The following TFDP2 variants were observed in gnomAD, a reference collection of about 807,000 sequenced individuals.
TFDP2 encodes transcription factor Dp-2 (E2F dimerization partner 2).
Under a neutral mutation model 59.3 loss-of-function variants are expected in TFDP2, and 17 were observed. The ratio of observed to expected loss-of-function variants is 0.29; its 90% CI spans 0.20 to 0.43. TFDP2 has a LOEUF of 0.43. Ranked by LOEUF, TFDP2 falls within the 20% of genes least tolerant of loss-of-function variation. TFDP2 has a pLI of 1.00. For missense variants in TFDP2, 391 were observed against 528.8 expected (o/e 0.74, Z 2.56); for synonymous variants, 180 against 194.7 (o/e 0.92, Z 0.63).
chr3:142,136,483 G>T (rs1406328927), intron 1 of TFDP2, among the ~76,000 whole-genome samples: 1 of 152,052 alleles, frequency 6.6e-6, no homozygotes, highest in Non-Finnish European at 1.5e-5. Flanking sequence ...TTTTAGTCAT[G>T]AAGTCCTTGC....
At chr3:141,999,053 C>G (rs1943537349) in intron 4 of TFDP2, among the ~76,000 whole-genome samples, 1 of 152,148 alleles carries the variant, frequency 6.6e-6, no homozygotes, top group Non-Finnish European at 1.5e-5. Flanking sequence ...ACAGTTGACC[C>G]TTGAACAACA....
intron 11 of TFDP2, among the ~76,000 whole-genome samples, chr3:141,958,415 TTA>T (rs1404302356): frequency 1.3e-5 from 2 of 152,296 alleles, no homozygotes; most frequent in African/African-American, 4.8e-5. Flanking sequence ...ATGACTTCAC[TTA>T]TATAGAGGCC....
In TFDP2 at chr3:141,984,622, G is replaced by C. The variant is rs1438564624; in HGVS notation, c.357-5940C>G. 3.3e-5 allele frequency among the ~76,000 whole-genome samples: 5 copies of C among 152,322 alleles called. No homozygotes were observed. In the East Asian group the frequency reaches 9.6e-4, roughly 29 times the overall value. ...GTAGTGTTGTTGCTTCATGGGGACA[G>C]AGTTTCAATATGGGATGATGAAAAA... On this transcript the variant is annotated intron_variant, in intron 6 of 12. Coordinates refer to ENST00000489671, the MANE Select transcript of TFDP2 (RefSeq NM_001178139.2).
chr3:141,948,263 C>T lies in TFDP2; in HGVS notation c.*4250G>A, dbSNP rs1021022397. 1 of 152,124 alleles carries T rather than the reference C, an allele frequency of 6.6e-6. No individual in the cohort carries two copies. The highest frequency in any genetic ancestry group is 2.1e-4 in the South Asian group (1 of 4,830). The allele number at this position is 152,124 out of a possible 1,614,324, so 9.4% of individuals were successfully genotyped here. ...TAATTTTTAAAAAGCTAAATAGAGC[C>T]GGGTGCGGTGGCTCACACCTGTAAT... is the stretch of plus-strand genomic sequence containing the variant. On this transcript the variant is annotated 3_prime_UTR_variant, in exon 13 of 13. Transcript: ENST00000489671.
rs1272954495 is a variant in TFDP2 at position 141,950,213 on chromosome 3, C to T, written c.*2300G>A. On this transcript the variant is annotated 3_prime_UTR_variant, in exon 13 of 13. Coordinates refer to ENST00000489671, the MANE Select transcript of TFDP2 (RefSeq NM_001178139.2). ...AGGGGGAATACAGAAGAGAATTGAC[C>T]TTTCTGAACAGCTCAACCTAGTTTC... 6.6e-6 allele frequency: 1 copy of T among 152,098 alleles called. No individual in the cohort carries two copies. The highest frequency in any genetic ancestry group is 2.4e-5 in the African/African-American group (1 of 41,398). The allele number at this position is 152,098 out of a possible 1,614,324, so 9.4% of individuals were successfully genotyped here. A position where few individuals can be genotyped will look rare whatever the true frequency, so the allele number is the denominator to read the frequency against.
At chr3:142,000,160 C>G (rs1943643782) in intron 4 of TFDP2, 1 of 640,550 alleles carries the variant, frequency 1.6e-6, no homozygotes, top group African/African-American at 1.8e-5. Context: ...AACAAACCAC[C>G]TTAGACTGGG....
intron 1 of TFDP2, among the ~76,000 whole-genome samples, chr3:142,131,069 A>G (rs953810138): frequency 3.4e-5 from 5 of 148,764 alleles, no homozygotes; most frequent in African/African-American, 1.0e-4. Context: ...AAAAAAAAAA[A>G]GGGAAAACAA....
intron 3 of TFDP2, among the ~76,000 whole-genome samples, chr3:142,008,822 T>A (rs1214538101): frequency 1.3e-5 from 2 of 152,138 alleles, no homozygotes; most frequent in Non-Finnish European, 2.9e-5. Flanking sequence ...TATATACATT[T>A]TATGTGTGTG....
At chr3:142,038,894 A>T (rs1946824547) in intron 3 of TFDP2, among the ~76,000 whole-genome samples, 1 of 152,240 alleles carries the variant, frequency 6.6e-6, no homozygotes, top group Admixed American at 6.5e-5. Context: ...ATTATTAACA[A>T]TGCCGTGATA....
intron 3 of TFDP2, among the ~76,000 whole-genome samples, chr3:142,075,050 T>C (rs1406392086): frequency 6.6e-6 from 1 of 151,988 alleles, no homozygotes; most frequent in Non-Finnish European, 1.5e-5. Flanking sequence ...CGTTACACCA[T>C]TAAAAAAATC....
At chr3:142,018,156 C>T (rs1471228636) in intron 3 of TFDP2, among the ~76,000 whole-genome samples, 1 of 151,802 alleles carries the variant, frequency 6.6e-6, no homozygotes, top group African/African-American at 2.4e-5. Context: ...GCTGGCCAGG[C>T]TGGTCTCAAA....
intron 3 of TFDP2, among the ~76,000 whole-genome samples, chr3:142,057,611 C>T (rs918846776): frequency 6.6e-6 from 1 of 152,180 alleles, no homozygotes; most frequent in African/African-American, 2.4e-5. Flanking sequence ...GTGAAACAAT[C>T]TGAGTGCTAT....
intron 3 of TFDP2, among the ~76,000 whole-genome samples, chr3:142,016,801 C>T (rs1213609826): frequency 6.6e-6 from 1 of 152,136 alleles, no homozygotes; most frequent in Non-Finnish European, 1.5e-5. Context: ...AGAGTGATCC[C>T]ACTACATGGA....
chr3:142,016,153 A>G (rs1324008217), intron 3 of TFDP2, among the ~76,000 whole-genome samples: 2 of 151,022 alleles, frequency 1.3e-5, no homozygotes, highest in Admixed American at 6.6e-5. Flanking sequence ...CTGGAATTAC[A>G]GGGGCCTGCC....
chr3:142,107,291 G>A (rs1282415806), intron 1 of TFDP2, among the ~76,000 whole-genome samples: 2 of 147,984 alleles, frequency 1.4e-5, no homozygotes, highest in Admixed American at 6.8e-5. Context: ...GAGTGCAGTT[G>A]CTCAATCTCA....
chr3:142,137,985 C>T (rs1405876281), intron 1 of TFDP2, among the ~76,000 whole-genome samples: 1 of 152,142 alleles, frequency 6.6e-6, no homozygotes, highest in African/African-American at 2.4e-5. Context: ...TAGAATTTGG[C>T]TGTGAATCTG....
chr3:141,963,195 T>C (rs769841955), intron 10 of TFDP2, among the ~76,000 whole-genome samples: 5 of 152,154 alleles, frequency 3.3e-5, no homozygotes, highest in Non-Finnish European at 7.3e-5. Context: ...TTTTCATGAA[T>C]GGTAAAATAC....
chr3:142,113,929 C>T (rs2061752548), intron 1 of TFDP2, among the ~76,000 whole-genome samples: 1 of 152,096 alleles, frequency 6.6e-6, no homozygotes, highest in Admixed American at 6.5e-5. Flanking sequence ...CTTTCGGAGG[C>T]CGAGGCGGGC....
Position 141,952,408 on chromosome 3 carries a change from C to G in TFDP2, c.*105G>C, listed in dbSNP as rs570693152. Reference sequence around the variant, plus strand: ...GTTTCTCTAGTTTTCACTGAACACACAGTGCAAACAAAGGCAAAGACTGAA... The same window carrying G: ...GTTTCTCTAGTTTTCACTGAACACAGAGTGCAAACAAAGGCAAAGACTGAA... On this transcript the variant is annotated 3_prime_UTR_variant, in exon 13 of 13. Coordinates refer to ENST00000489671, the MANE Select transcript of TFDP2 (RefSeq NM_001178139.2). The G allele has an allele frequency of 5.0e-5, 55 of 1,091,378 alleles. No individual in the cohort carries two copies. In the African/African-American group the frequency reaches 8.4e-4, roughly 17 times the overall value. 67.6% of individuals were successfully genotyped at this position (1,091,378 alleles called of 1,614,324 possible).
Sources: allele counts gnomAD v4.1 joint callset (sites outside exome capture counted in the v4.1 genomes callset), GRCh38; gene constraint gnomAD v4.1.1; transcripts MANE v1.5; gene names NCBI Gene and HGNC (gene_info 2026-07-23, HGNC 2026-07-21).